Variants in AKAP19 observed in about 807,000 individuals in gnomAD.
The protein encoded by AKAP19 is A-kinase anchoring protein 19, also known as small A-kinase anchoring protein.
At chr2:190,127,571 T>C in the AKAP19 span, among the ~76,000 whole-genome samples, 3 of 152,190 alleles carry the variant, frequency 2.0e-5, no homozygotes, top group African/African-American at 4.8e-5. Flanking sequence ...TAAAGTTTAT[T>C]AGCCACTAAA....
the AKAP19 span, among the ~76,000 whole-genome samples, chr2:189,889,931 C>T: frequency 6.6e-6 from 1 of 152,100 alleles, no homozygotes; most frequent in East Asian, 1.9e-4. Flanking sequence ...TCCTTCAGTT[C>T]TGCTGTGATC....
At chr2:189,988,733 C>G in the AKAP19 span, among the ~76,000 whole-genome samples, 1 of 152,196 alleles carries the variant, frequency 6.6e-6, no homozygotes, top group Non-Finnish European at 1.5e-5. Flanking sequence ...TCTCCTTCTT[C>G]CGAAGTATAT....
chr2:189,921,362 G>A, the AKAP19 span, among the ~76,000 whole-genome samples: 5 of 152,180 alleles, frequency 3.3e-5, no homozygotes, highest in Non-Finnish European at 5.9e-5. Flanking sequence ...GTACAGTGCT[G>A]CTGAGAGGTC....
At chr2:189,956,080 A>G in the AKAP19 span, among the ~76,000 whole-genome samples, 14 of 152,132 alleles carry the variant, frequency 9.2e-5, no homozygotes, top group Non-Finnish European at 1.2e-4. Context: ...CAGTTTATTT[A>G]AAGATTATCA....
chr2:189,952,980 T>C, the AKAP19 span, among the ~76,000 whole-genome samples: 3 of 152,204 alleles, frequency 2.0e-5, no homozygotes, highest in Admixed American at 6.5e-5. Flanking sequence ...AACAAGATTA[T>C]GGTAATATCA....
chr2:190,167,147 T>TA, the AKAP19 span, among the ~76,000 whole-genome samples: 4 of 152,168 alleles, frequency 2.6e-5, no homozygotes, highest in Admixed American at 6.5e-5. Flanking sequence ...TTATTGGACT[T>TA]ACAGTTGCAT....
chr2:190,110,098 C>T, the AKAP19 span, among the ~76,000 whole-genome samples: 1 of 152,186 alleles, frequency 6.6e-6, no homozygotes, highest in African/African-American at 2.4e-5. Flanking sequence ...ATATTGAAAA[C>T]ACTAGTCCTG....
chr2:190,176,076 C>G, the AKAP19 span, among the ~76,000 whole-genome samples: 141 of 152,312 alleles, frequency 9.3e-4, 2 homozygotes, highest in East Asian at 0.022. The surrounding 1 kb of genome is among the most constrained non-coding windows in gnomAD (Gnocchi z 4.7). Flanking sequence ...CATTTCTGTT[C>G]TTTAAAAATT....
chr2:190,123,773 G>A, the AKAP19 span, among the ~76,000 whole-genome samples: 3 of 152,170 alleles, frequency 2.0e-5, no homozygotes, highest in Non-Finnish European at 4.4e-5. Flanking sequence ...ATTATTTTTG[G>A]TTGTGTCTAA....
At chr2:190,121,625 T>G in the AKAP19 span, among the ~76,000 whole-genome samples, 1 of 152,208 alleles carries the variant, frequency 6.6e-6, no homozygotes, top group African/African-American at 2.4e-5. Flanking sequence ...AAGTGCCAAG[T>G]TCCTTTAAAA....
the AKAP19 span, among the ~76,000 whole-genome samples, chr2:189,881,892 T>C: frequency 6.6e-6 from 1 of 152,230 alleles, no homozygotes; most frequent in Non-Finnish European, 1.5e-5. Flanking sequence ...AGACAAATCA[T>C]GGTAGAACTG....
chr2:190,017,872 G>T, the AKAP19 span, among the ~76,000 whole-genome samples: 1 of 152,242 alleles, frequency 6.6e-6, no homozygotes, highest in South Asian at 2.1e-4. Context: ...CCTTTTGTTT[G>T]TCTGGGAAAG....
chr2:190,029,892 T>C, the AKAP19 span, among the ~76,000 whole-genome samples: 1 of 152,152 alleles, frequency 6.6e-6, no homozygotes, highest in African/African-American at 2.4e-5. Context: ...TTTACCCAAA[T>C]GTTAACAGTA....
At chr2:190,010,184 G>A in the AKAP19 span, among the ~76,000 whole-genome samples, 2 of 152,312 alleles carry the variant, frequency 1.3e-5, no homozygotes, top group Admixed American at 6.5e-5. Context: ...TGGGTGAGAT[G>A]GGATAGGATC....
chr2:190,041,531 C>A, the AKAP19 span, among the ~76,000 whole-genome samples: 1 of 152,162 alleles, frequency 6.6e-6, no homozygotes, highest in African/African-American at 2.4e-5. Flanking sequence ...CGTGATTGCT[C>A]TGGCTAGGAC....
chr2:190,108,500 A>G, the AKAP19 span, among the ~76,000 whole-genome samples: 6 of 152,320 alleles, frequency 3.9e-5, no homozygotes, highest in East Asian at 5.8e-4. Context: ...GCTATTGTCT[A>G]TGATTTGCCT....
At chr2:190,144,281 C>T in the AKAP19 span, among the ~76,000 whole-genome samples, 3 of 149,998 alleles carry the variant, frequency 2.0e-5, no homozygotes, top group Non-Finnish European at 3.0e-5. Context: ...GTTCTCAAGT[C>T]CCACTAAAAA....
At chr2:189,909,494 G>A in the AKAP19 span, among the ~76,000 whole-genome samples, 3 of 151,766 alleles carry the variant, frequency 2.0e-5, no homozygotes, top group Admixed American at 2.0e-4. Context: ...GCTTTGATTT[G>A]TTTTTTCTTT....
At chr2:190,166,979 T>C in the AKAP19 span, among the ~76,000 whole-genome samples, 3 of 152,298 alleles carry the variant, frequency 2.0e-5, no homozygotes, top group East Asian at 3.9e-4. Context: ...ATTGTCTACA[T>C]AGAAAATTTT....
Sources: gnomAD v4.1 joint callset for allele counts (sites outside exome capture counted in the v4.1 genomes callset) on GRCh38, gnomAD v4.1.1 for gene constraint, Gnocchi (gnomAD v3.1) non-coding constraint, MANE v1.5 for transcripts, NCBI Gene and HGNC (gene_info 2026-07-23, HGNC 2026-07-21) for gene names.